The following PARVA variants were observed in gnomAD, a reference collection of about 807,000 sequenced individuals.
PARVA encodes parvin alpha.
A neutral mutation model predicts 52.6 loss-of-function variants in PARVA; 25 were observed. The observed-to-expected ratio is 0.48, with a 90% CI of 0.35 to 0.66. PARVA has a LOEUF of 0.66. PARVA is among the 30% of genes least tolerant of loss of function. PARVA has a pLI of 0.01. For missense variants in PARVA, 373 were observed against 450.9 expected, an observed-to-expected ratio of 0.83 and a Z score of 1.56; for synonymous variants, 185 against 179.1, an observed-to-expected ratio of 1.03 and a Z score of -0.26.
intron 1 of PARVA, among the ~76,000 whole-genome samples, chr11:12,425,548 C>G (rs1216586434): frequency 4.6e-5 from 7 of 152,162 alleles, no homozygotes; most frequent in Admixed American, 4.6e-4. Flanking sequence ...TCCCAAAGTT[C>G]CTGTCTTTGT....
At chr11:12,401,793 A>G (rs1238729256) in intron 1 of PARVA, among the ~76,000 whole-genome samples, 1 of 152,204 alleles carries the variant, frequency 6.6e-6, no homozygotes, top group Non-Finnish European at 1.5e-5. Flanking sequence ...ACAGCCTAAT[A>G]TGTTAGGATA....
At chr11:12,518,327 G>A in intron 11 of PARVA, 118 bp from the exon 12 acceptor site, 1 of 727,776 alleles carries the variant, frequency 1.4e-6, no homozygotes, top group South Asian at 1.7e-5. Context: ...ATTTCTCCTT[G>A]AAATTAGTTC....
At chr11:12,384,742 A>C (rs1030757594) in intron 1 of PARVA, among the ~76,000 whole-genome samples, 4 of 147,446 alleles carry the variant, frequency 2.7e-5, no homozygotes, top group African/African-American at 1.1e-4. Context: ...GACCTGGTAC[A>C]TTATTGAGGA....
In PARVA at chr11:12,442,867, C is replaced by CTT. The variant is rs66540463; in HGVS notation, c.137-30866_137-30865dup. Among the ~76,000 whole-genome samples, 245 of 145,200 alleles carry CTT rather than the reference C, an allele frequency of 1.7e-3. 2 individuals are homozygous for CTT. Among genetic ancestry groups the CTT allele is most frequent in the African/African-American group, 3.8e-3 (150 of 39,380 alleles). On this transcript the variant is annotated intron_variant, in intron 1 of 12. Coordinates refer to ENST00000334956, the MANE Select transcript of PARVA (RefSeq NM_018222.5). The stretch of plus-strand genomic sequence containing the variant: ...TTGTAATGTTTGCTGACTTGACTTC[C>CTT]TTTTTTTTTTTTTGAGATGGAGTCT...
rs1257774180 is a variant in PARVA, at chr11:12,388,769, A to G, written c.136+10986A>G. Among the ~76,000 whole-genome samples, 4 of 152,028 alleles carry G rather than the reference A, an allele frequency of 2.6e-5. No individual in the cohort carries two copies. The East Asian group carries it at 7.7e-4, about 29-fold the overall frequency. ...TTTTTTTATCTTTTTCATTTATTATAATGTAAATATTTTTGTGTTATAAAT... is the reference window on the plus strand; with the variant it reads ...TTTTTTTATCTTTTTCATTTATTATGATGTAAATATTTTTGTGTTATAAAT... On this transcript the variant is annotated intron_variant, in intron 1 of 12. Coordinates refer to ENST00000334956, the MANE Select transcript of PARVA (RefSeq NM_018222.5).
At chr11:12,395,695 T>A (rs569306709) in intron 1 of PARVA, among the ~76,000 whole-genome samples, 1 of 152,244 alleles carries the variant, frequency 6.6e-6, no homozygotes, top group South Asian at 2.1e-4. Context: ...TTCTCCTGAG[T>A]CCCAGGTGAA....
intron 1 of PARVA, among the ~76,000 whole-genome samples, chr11:12,469,203 A>T (rs11022363): frequency 0.33 from 50,273 of 151,958 alleles, 8,646 homozygotes; most frequent in East Asian, 0.48. Context: ...GAAGTAGGGT[A>T]CAAATCCACA....
chr11:12,506,537 G>A (rs1158261658), intron 6 of PARVA, among the ~76,000 whole-genome samples: 1 of 152,138 alleles, frequency 6.6e-6, no homozygotes, highest in East Asian at 1.9e-4. Flanking sequence ...GGAGAGAGGG[G>A]GCTTCTATTT....
At chr11:12,409,091 A>G (rs531707140) in intron 1 of PARVA, among the ~76,000 whole-genome samples, 12 of 152,334 alleles carry the variant, frequency 7.9e-5, no homozygotes, top group South Asian at 6.2e-4. Flanking sequence ...CTGGAAGCCT[A>G]TGAATTTTCC....
chr11:12,476,235 C>T (rs1186420095), intron 3 of PARVA, among the ~76,000 whole-genome samples: 2 of 152,144 alleles, frequency 1.3e-5, no homozygotes, highest in Admixed American at 6.6e-5. Flanking sequence ...ACCAAAGGCA[C>T]AGCTACCTCC....
At chr11:12,527,301 G>GGAGGGAGGATGGGAGGATTAGAGGGAGA (rs6144218) in intron 12 of PARVA, among the ~76,000 whole-genome samples, 2 of 151,296 alleles carry the variant, frequency 1.3e-5, no homozygotes, top group Non-Finnish European at 2.9e-5. Context: ...TCAGAGGAAA[G>GGAGGGAGGATGGGAGGATTAGAGGGAGA]GAGGGAGGGA....
intron 12 of PARVA, among the ~76,000 whole-genome samples, chr11:12,522,919 A>G (rs1941656636): frequency 6.6e-6 from 1 of 152,174 alleles, no homozygotes; most frequent in Admixed American, 6.5e-5. Context: ...AAAGCAAGGA[A>G]GTAATCATAA....
intron 1 of PARVA, among the ~76,000 whole-genome samples, chr11:12,472,245 G>T (rs1018842084): frequency 3.3e-5 from 5 of 152,200 alleles, no homozygotes; most frequent in African/African-American, 1.2e-4. Flanking sequence ...TCCAGATAAT[G>T]TCATAATGTT....
chr11:12,421,087 G>T (rs374571151), intron 1 of PARVA, among the ~76,000 whole-genome samples: 181 of 8,986 alleles, frequency 0.02, no homozygotes, highest in Admixed American at 0.028. Flanking sequence ...ACTACTTGGG[G>T]TGTCTTGGTG....
At chr11:12,473,665 A>G in intron 1 of PARVA, 80 bp from the exon 2 acceptor site, 1 of 1,056,052 alleles carries the variant, frequency 9.5e-7, no homozygotes, top group Non-Finnish European at 1.4e-6. Flanking sequence ...CAATGTCAAT[A>G]TCGAACACCC....
chr11:12,394,194 A>AG (rs1027278463), intron 1 of PARVA, among the ~76,000 whole-genome samples: 1 of 152,170 alleles, frequency 6.6e-6, no homozygotes, highest in Admixed American at 6.5e-5. Context: ...TATTAGTAAG[A>AG]GGTATCACTG....
chr11:12,380,238 T>C (rs1474041885), intron 1 of PARVA, among the ~76,000 whole-genome samples: 3 of 140,198 alleles, frequency 2.1e-5, no homozygotes, highest in African/African-American at 8.8e-5. Context: ...GAAAGGGCTA[T>C]TGACAGAGCT....
chr11:12,455,419 G>C (rs1426577), intron 1 of PARVA, among the ~76,000 whole-genome samples: 142,221 of 152,256 alleles, frequency 0.93, 67,203 homozygotes, highest in East Asian at 1. Flanking sequence ...CCAGAGGTGA[G>C]TAGCAATGTG....
At chr11:12,413,176 ATAT>A (rs1454705941) in intron 1 of PARVA, among the ~76,000 whole-genome samples, 15 of 152,226 alleles carry the variant, frequency 9.9e-5, no homozygotes, top group Admixed American at 1.3e-4. Context: ...TGCCACAAAG[ATAT>A]TATCTCCATT....
Sources: allele counts gnomAD v4.1 joint callset (sites outside exome capture counted in the v4.1 genomes callset), GRCh38; gene constraint gnomAD v4.1.1; transcripts MANE v1.5; gene names NCBI Gene and HGNC (gene_info 2026-07-23, HGNC 2026-07-21).